Variants in TFCP2 observed in about 807,000 individuals in gnomAD.
The protein encoded by TFCP2 is transcription factor CP2, also known as alpha-globin transcription factor CP2.
A neutral mutation model predicts 73.4 loss-of-function variants in TFCP2; 33 were observed. The observed-to-expected ratio is 0.45, with a 90% CI of 0.34 to 0.60. The LOEUF is 0.60. TFCP2 is among the 20% of genes least tolerant of loss of function. TFCP2 has a pLI of 0.01. For missense variants in TFCP2, 352 were observed against 604.0 expected, an observed-to-expected ratio of 0.58 and a Z score of 4.37; for synonymous variants, 193 against 211.6, an observed-to-expected ratio of 0.91 and a Z score of 0.76.
intron 1 of TFCP2, among the ~76,000 whole-genome samples, chr12:51,165,314 C>A (rs1358588297): frequency 6.6e-6 from 1 of 151,998 alleles, no homozygotes; most frequent in Admixed American, 6.6e-5. Flanking sequence ...AGATTATATA[C>A]CATGACCAAC....
At chr12:51,172,279 G>A (rs1941877264) in intron 1 of TFCP2, 22 bp downstream of exon 1, 1 of 1,613,434 alleles carries the variant, frequency 6.2e-7, no homozygotes, top group Admixed American at 1.7e-5. Context: ...GAAGGTGTAG[G>A]GTCTGGGAAA....
intron 1 of TFCP2, among the ~76,000 whole-genome samples, chr12:51,160,252 C>T (rs559283129): frequency 2.0e-5 from 3 of 151,586 alleles, no homozygotes; most frequent in African/African-American, 4.8e-5. Context: ...TCTCCTGCCT[C>T]AGCCTCCCGA....
chr12:51,102,014 A>G lies in TFCP2; in HGVS notation c.1072T>C (p.Leu358=). ...LFTNFSGADL[L]KLTRDDVIQI... ...ATCACATCATCTCTAGTTAATTTCA[A>G]TAAATCTGCCCCTGGAATAAATATA... The change falls in exon 11 of 15, where the codon TTG becomes CTG. Residue 358 remains leucine, a synonymous_variant. Coordinates refer to ENST00000257915, the MANE Select transcript of TFCP2 (RefSeq NM_005653.5). The G allele has an allele frequency of 1.2e-6, 2 of 1,610,392 alleles. No homozygotes were observed. The highest frequency in any genetic ancestry group is 8.5e-7 in the Non-Finnish European group (1 of 1,176,876).
chr12:51,124,830 C>G, intron 1 of TFCP2: 1 of 1,240,796 alleles, frequency 8.1e-7, no homozygotes, highest in Non-Finnish European at 1.2e-6. Flanking sequence ...AAATCTGGCC[C>G]TCTCTGCTTC....
intron 1 of TFCP2, among the ~76,000 whole-genome samples, chr12:51,164,736 T>C (rs1037424039): frequency 3.3e-5 from 5 of 152,002 alleles, no homozygotes; most frequent in African/African-American, 1.2e-4. Context: ...GAAAGGATTA[T>C]AAGAGAATAC....
chr12:51,159,178 C>CAA (rs139446881), intron 1 of TFCP2, among the ~76,000 whole-genome samples: 33 of 120,506 alleles, frequency 2.7e-4, no homozygotes, highest in Middle Eastern at 4.0e-3. Context: ...GACTCTGTCT[C>CAA]AAAAAAAAAA....
intron 1 of TFCP2, chr12:51,125,076 T>C: frequency 1.3e-6 from 1 of 755,068 alleles, no homozygotes; most frequent in Non-Finnish European, 2.5e-6. Context: ...CTCATCATAG[T>C]CCTCTCCGAT....
intron 1 of TFCP2, among the ~76,000 whole-genome samples, chr12:51,125,751 T>G (rs747478922): frequency 5.3e-5 from 8 of 152,234 alleles, no homozygotes; most frequent in Non-Finnish European, 8.8e-5. Flanking sequence ...ATATACACTA[T>G]GATCATTTTG....
chr12:51,118,815 G>A, intron 1 of TFCP2, 43 bp from the exon 2 acceptor site: 1 of 1,601,660 alleles, frequency 6.2e-7, no homozygotes, highest in Non-Finnish European at 8.5e-7. Context: ...TGGCAATGGT[G>A]CAAACGCAGG....
chr12:51,160,927 T>C (rs1024633225), intron 1 of TFCP2, among the ~76,000 whole-genome samples: 1 of 152,168 alleles, frequency 6.6e-6, no homozygotes, highest in Non-Finnish European at 1.5e-5. Context: ...CCTCCAAAAA[T>C]TGAAGTTATG....
chr12:51,097,948 G>A (rs778927834), intron 13 of TFCP2, among the ~76,000 whole-genome samples: 2 of 151,748 alleles, frequency 1.3e-5, no homozygotes, highest in East Asian at 1.9e-4. Context: ...CCTAGGAGGC[G>A]GGGTTGCAGT....
At position 51,118,658 on chromosome 12, in the gene TFCP2, C is replaced by T. The variant is rs948606048; in HGVS notation, c.237G>A (p.Val79=). The change falls in exon 2 of 15, where the codon GTG becomes GTA. Residue 79 remains valine, a synonymous_variant. Coordinates refer to ENST00000257915, the MANE Select transcript of TFCP2 (RefSeq NM_005653.5). The part of the protein sequence containing the change: ...YVLCAATSPA[V]KLHDETLTYL... ...ACGTTAGGGTTTCATCATGGAGTTT[C>T]ACTGCTGGAGAGGTAGCAGCACAAA... 1 of 1,614,164 alleles carries T rather than the reference C, an allele frequency of 6.2e-7. No individual in the cohort carries two copies. Among genetic ancestry groups the T allele is most frequent in the African/African-American group, 1.3e-5 (1 of 75,052 alleles).
chr12:51,109,832 C>T (rs1940351935), intron 5 of TFCP2, among the ~76,000 whole-genome samples: 1 of 151,948 alleles, frequency 6.6e-6, no homozygotes, highest in East Asian at 1.9e-4. Context: ...AATTCTCCTG[C>T]CTCAGCCTCC....
At chr12:51,099,371 G>C (rs922382135) in intron 12 of TFCP2, among the ~76,000 whole-genome samples, 1 of 151,760 alleles carries the variant, frequency 6.6e-6, no homozygotes, top group Non-Finnish European at 1.5e-5. Flanking sequence ...CTAGCTACTC[G>C]GTAGGCTGAG....
chr12:51,103,049 A>C (rs1196058358), intron 10 of TFCP2, among the ~76,000 whole-genome samples: 1 of 151,546 alleles, frequency 6.6e-6, no homozygotes, highest in Non-Finnish European at 1.5e-5. Flanking sequence ...TTGGGAGGCC[A>C]AGAAGGGTGG....
At chr12:51,118,440 A>G (rs1940585319) in intron 2 of TFCP2, among the ~76,000 whole-genome samples, 181 bp downstream of exon 2, 1 of 152,154 alleles carries the variant, frequency 6.6e-6, no homozygotes. Context: ...CTGTGGTCCC[A>G]GCTACTCAGG....
Position 51,103,843 on chromosome 12 carries a change from C to T in TFCP2, c.967-80G>A, listed in dbSNP as rs528577864. On this transcript the variant is annotated intron_variant, in intron 9 of 14. Transcript: ENST00000257915. The stretch of plus-strand genomic sequence containing the variant: ...TTAGGTAACACATAGCCAAACACCC[C>T]ACACAACCCCATACTCAGGCCTAGT... 1.9e-5 allele frequency: 21 copies of T among 1,088,788 alleles called. No individual in the cohort carries two copies. In the African/African-American group the frequency reaches 3.0e-4, roughly 16 times the overall value. The allele number at this position is 1,088,788 out of a possible 1,614,324, so 67.4% of individuals were successfully genotyped here.
intron 1 of TFCP2, among the ~76,000 whole-genome samples, chr12:51,139,001 G>A (rs991799904): frequency 7.9e-5 from 12 of 152,198 alleles, no homozygotes; most frequent in Non-Finnish European, 1.3e-4. Context: ...CCCTAGAGAT[G>A]TAACCAGTTA....
At chr12:51,164,179 T>C (rs1232394885) in intron 1 of TFCP2, among the ~76,000 whole-genome samples, 1 of 152,126 alleles carries the variant, frequency 6.6e-6, no homozygotes, top group African/African-American at 2.4e-5. Context: ...CATTCCAGCC[T>C]GGGTAACAGA....
Sources: allele counts gnomAD v4.1 joint callset (sites outside exome capture counted in the v4.1 genomes callset), GRCh38; gene constraint gnomAD v4.1.1; transcripts MANE v1.5; gene names NCBI Gene and HGNC (gene_info 2026-07-23, HGNC 2026-07-21).